GRK3: variants seen among roughly 807,000 people sequenced by gnomAD.
GRK3 encodes the protein G protein-coupled receptor kinase 3, also known as adrenergic, beta, receptor kinase 2.
GRK3 carries 54 observed loss-of-function variants against 95.7 expected under a neutral mutation model. The observed-to-expected ratio is 0.56, with a 90% CI of 0.45 to 0.71. The LOEUF is 0.71. Among genes scored for constraint, GRK3 ranks in the 30% least tolerant of loss-of-function variants. The pLI is 0.00. For missense variants in GRK3, 649 were observed against 851.2 expected (o/e 0.76, Z 2.96); for synonymous variants, 281 against 290.8 (o/e 0.97, Z 0.34).
At position 25,724,853 on chromosome 22, in the gene GRK3, G is replaced by T. The variant is rs2085462002; in HGVS notation, c.*2403G>T. 2.0e-5 allele frequency: 3 copies of T among 151,320 alleles called. No homozygotes were observed. The highest frequency in any genetic ancestry group is 6.6e-5 in the Admixed American group (1 of 15,174). 9.4% of individuals were successfully genotyped at this position (151,320 alleles called of 1,614,324 possible). A position where few individuals can be genotyped will look rare whatever the true frequency, so the allele number is the denominator to read the frequency against. ...AAACATCATGGTATACTTGGCTGTT[G>T]TTTTTTTTTAATTTTTTAATTTTTT... is the stretch of plus-strand genomic sequence containing the variant. On this transcript the variant is annotated 3_prime_UTR_variant, in exon 21 of 21. Transcript: ENST00000324198.
At chr22:25,682,398 T>A (rs1056246541) in intron 9 of GRK3, among the ~76,000 whole-genome samples, 3 of 152,196 alleles carry the variant, frequency 2.0e-5, no homozygotes, top group Admixed American at 6.5e-5. Flanking sequence ...AGATAGGGGC[T>A]CTATCTTTGA....
chr22:25,673,142 A>C (rs1601517084), intron 7 of GRK3, among the ~76,000 whole-genome samples: 1 of 149,756 alleles, frequency 6.7e-6, no homozygotes, highest in Non-Finnish European at 1.5e-5. Flanking sequence ...GCTCACTGCA[A>C]CCTCCGCCTC....
intron 2 of GRK3, among the ~76,000 whole-genome samples, chr22:25,619,895 G>A (rs1219569500): frequency 2.0e-5 from 3 of 151,986 alleles, no homozygotes; most frequent in Non-Finnish European, 2.9e-5. Flanking sequence ...CCAGGAGAAA[G>A]CATTATGATT....
In GRK3 at chr22:25,712,490, G is replaced by A. The variant is rs141483519; in HGVS notation, c.1491+1327G>A. Among the ~76,000 whole-genome samples, 91 of 152,338 alleles carry A rather than the reference G, an allele frequency of 6.0e-4. 2 individuals carry two copies. In the East Asian group the frequency reaches 9.6e-3, roughly 16 times the overall value. ...ACCTGCTGTATACCACTATCTGTCC[G>A]TCAGAGTACTAAAAATAAAACACTA... On this transcript the variant is annotated intron_variant, in intron 17 of 20. Transcript: ENST00000324198.
At chr22:25,615,225 T>C (rs1403298587) in intron 2 of GRK3, among the ~76,000 whole-genome samples, 1 of 152,208 alleles carries the variant, frequency 6.6e-6, no homozygotes, top group Non-Finnish European at 1.5e-5. Flanking sequence ...AAAAAAAAAT[T>C]ATATGCTCTG....
In GRK3 at chr22:25,704,132, C is replaced by G. The variant is rs768882010; in HGVS notation, c.1251C>G (p.Phe417Leu). The change falls in exon 15 of 21, where the codon TTC becomes TTG. Residue 417 changes from phenylalanine to leucine, a missense_variant. Around this residue, in one of 3 missense-constraint regions of GRK3, gnomAD observed 382 missense variants for 493.8 expected, o/e 0.77. Transcript: ENST00000324198. ...AGAATGTGGAACTTCCAGACACCTT[C>G]TCTCCTGAACTGAAGTCCCTTTTGG... ...LTVNVELPDT[F>L]SPELKSLLEG... 2 of 1,613,250 alleles carry G rather than the reference C, an allele frequency of 1.2e-6. No homozygotes were observed. The highest frequency in any genetic ancestry group is 1.1e-5 in the South Asian group (1 of 90,960).
At position 25,722,277 on chromosome 22, in the gene GRK3, A is replaced by G. The variant is rs202079948; in HGVS notation, c.1906-12A>G. 150 of 1,611,906 alleles carry G rather than the reference A, an allele frequency of 9.3e-5. 1 individual carries two copies. The Admixed American group carries it at 2.5e-3, about 27-fold the overall frequency. On this transcript the variant is annotated splice_polypyrimidine_tract_variant and intron_variant, in intron 20 of 20. Transcript: ENST00000324198. ...AGCCTGTCACAACGGCTGCCTTTGT[A>G]TTCCCCCTCAGAGTGATCCAGAGTT...
chr22:25,571,089 C>T (rs1252146348), intron 1 of GRK3, among the ~76,000 whole-genome samples: 1 of 152,200 alleles, frequency 6.6e-6, no homozygotes, highest in East Asian at 1.9e-4. Context: ...GCCACCATTT[C>T]CTTCTCCTGC....
At chr22:25,596,153 A>T (rs1326072027) in intron 1 of GRK3, among the ~76,000 whole-genome samples, 1 of 152,216 alleles carries the variant, frequency 6.6e-6, no homozygotes, top group Non-Finnish European at 1.5e-5. Context: ...TACATTGCTA[A>T]ATTTGTTGAT....
rs907383850 is a variant in GRK3 at position 25,711,090 on chromosome 22, C to T, written c.1418C>T (p.Pro473Leu). 18 of 1,613,522 alleles carry T rather than the reference C, an allele frequency of 1.1e-5. No homozygotes were observed. Among genetic ancestry groups the T allele is most frequent in the Non-Finnish European group, 1.4e-5 (17 of 1,179,722 alleles). ...LQKYPPPLIP[P>L]RGEVNAADAF... is the part of the protein sequence containing the mutation. Reference sequence around the variant, plus strand: ...CAGTACCCACCACCCTTGATTCCTCCCCGGGGAGAAGTCAATGCTGCTGAT... The same window carrying T: ...CAGTACCCACCACCCTTGATTCCTCTCCGGGGAGAAGTCAATGCTGCTGAT... Residue 473 changes from proline to leucine, a missense_variant, in exon 17 of 21, where the codon CCC becomes CTC. Around this residue, in one of 3 missense-constraint regions of GRK3, gnomAD observed 382 missense variants for 493.8 expected, o/e 0.77. Coordinates refer to ENST00000324198, the MANE Select transcript of GRK3 (RefSeq NM_005160.4).
chr22:25,695,978 C>T (rs1464971290), intron 13 of GRK3, among the ~76,000 whole-genome samples: 1 of 152,022 alleles, frequency 6.6e-6, no homozygotes. Context: ...GGACTACAGG[C>T]GCCTGCCACC....
At position 25,714,547 on chromosome 22, in the gene GRK3, A is replaced by G; in HGVS notation, c.1631A>G (p.Asn544Ser). The G allele has an allele frequency of 6.2e-7, 1 of 1,603,872 alleles. No homozygotes were observed. The highest frequency in any genetic ancestry group is 8.5e-7 in the Non-Finnish European group (1 of 1,176,998). The change falls in exon 18 of 21, where the codon AAT (asparagine) becomes AGT (serine). Residue 544 changes from asparagine to serine, a missense_variant. Asn to Ser is a conservative substitution (Grantham distance 46). Transcript: ENST00000324198. ...ATCGAGGCCAGGAAGAGAGCTAAAA[A>G]TAAGCAACTTGGCCACGAAGAAGGT... is the stretch of plus-strand genomic sequence containing the variant. ...DKIEARKRAK[N>S]KQLGHEEDYA... is the part of the protein sequence containing the mutation.
At chr22:25,699,190 G>T (rs543593065) in intron 13 of GRK3, among the ~76,000 whole-genome samples, 9 of 152,222 alleles carry the variant, frequency 5.9e-5, no homozygotes, top group African/African-American at 1.9e-4. Flanking sequence ...AGTTGCATGT[G>T]GGAGAACCTC....
Position 25,587,308 on chromosome 22 carries a change from C to G in GRK3, c.114-17069C>G, listed in dbSNP as rs541638865. Among the ~76,000 whole-genome samples the G allele has an allele frequency of 1.8e-4, 27 of 152,344 alleles. 1 individual carries two copies. Among genetic ancestry groups the G allele is most frequent in the Admixed American group, 1.6e-3 (25 of 15,312 alleles). ...GCATGAGGCTTCCTGACCCTAGTCT[C>G]TGTCCTCTAATAATGCCACAGCCAT... On this transcript the variant is annotated intron_variant, in intron 1 of 20. Coordinates refer to ENST00000324198, the MANE Select transcript of GRK3 (RefSeq NM_005160.4).
intron 5 of GRK3, among the ~76,000 whole-genome samples, chr22:25,664,387 T>C (rs2084927959): frequency 1.3e-5 from 2 of 152,194 alleles, no homozygotes; most frequent in Non-Finnish European, 2.9e-5. Flanking sequence ...GCTTTTCATG[T>C]TTCTATAAAT....
intron 1 of GRK3, among the ~76,000 whole-genome samples, chr22:25,600,392 G>T (rs1209351530): frequency 6.6e-6 from 1 of 152,018 alleles, no homozygotes; most frequent in Non-Finnish European, 1.5e-5. Context: ...CACCTGCCTC[G>T]GCCTCCCAAA....
chr22:25,709,132 G>A (rs1050744974), intron 15 of GRK3, among the ~76,000 whole-genome samples: 1 of 151,840 alleles, frequency 6.6e-6, no homozygotes, highest in Non-Finnish European at 1.5e-5. Flanking sequence ...CCACCTCCCG[G>A]GTTCACGCCG....
At chr22:25,596,530 A>G (rs1197721893) in intron 1 of GRK3, among the ~76,000 whole-genome samples, 1 of 152,210 alleles carries the variant, frequency 6.6e-6, no homozygotes, top group Non-Finnish European at 1.5e-5. Flanking sequence ...TTATCATTTG[A>G]TTTATTCCCT....
intron 1 of GRK3, among the ~76,000 whole-genome samples, chr22:25,591,176 C>T (rs763613400): frequency 9.2e-5 from 14 of 152,146 alleles, no homozygotes; most frequent in Admixed American, 5.2e-4. Flanking sequence ...GTCACTAGAA[C>T]AACTCACAGA....
Sources: gnomAD v4.1 joint callset for allele counts (sites outside exome capture counted in the v4.1 genomes callset) on GRCh38, gnomAD v4.1.1 for gene constraint, gnomAD v4.1.1 regional missense constraint, MANE v1.5 for transcripts, NCBI Gene and HGNC (gene_info 2026-07-23, HGNC 2026-07-21) for gene names.